The following GPM6A variants were observed in gnomAD, a reference collection of about 807,000 sequenced individuals.
The protein encoded by GPM6A is neuronal membrane glycoprotein M6-a.
Under a neutral mutation model 32.1 loss-of-function variants are expected in GPM6A, and 7 were observed. The observed-to-expected ratio is 0.22, with a 90% CI of 0.12 to 0.41. The LOEUF is 0.41. Ranked by LOEUF, GPM6A falls within the 10% of genes least tolerant of loss-of-function variation. GPM6A has a pLI of 1.00. For synonymous variants in GPM6A, 130 were observed against 123.4 expected (o/e 1.05, Z -0.35); for missense variants, 235 against 347.2 (o/e 0.68, Z 2.57).
At chr4:175,874,674 G>C (rs1737024751) in intron 1 of GPM6A, among the ~76,000 whole-genome samples, 2 of 152,122 alleles carry the variant, frequency 1.3e-5, no homozygotes, top group Non-Finnish European at 2.9e-5. Context: ...GAAAAGAGAG[G>C]CTGTAATAAT....
At chr4:175,997,074 G>A (rs1741331100) in intron 1 of GPM6A, among the ~76,000 whole-genome samples, 1 of 152,000 alleles carries the variant, frequency 6.6e-6, no homozygotes, top group South Asian at 2.1e-4. Flanking sequence ...GGCATCAACT[G>A]CCAGCTATAT....
At chr4:176,002,189 G>C (rs984612146) in intron 1 of GPM6A, 3 of 1,125,868 alleles carry the variant, frequency 2.7e-6, no homozygotes, top group Non-Finnish European at 2.6e-6. Context: ...GCCAGGCGCG[G>C]GGGGAACAGA....
chr4:175,785,904 T>C (rs1048919185), intron 1 of GPM6A, among the ~76,000 whole-genome samples: 1 of 152,148 alleles, frequency 6.6e-6, no homozygotes, highest in Non-Finnish European at 1.5e-5. Context: ...GGTTCTTTCC[T>C]TGTGTAGTTT....
Position 175,754,562 on chromosome 4 carries a change from A to G in GPM6A, c.38-52795T>C, listed in dbSNP as rs1367373908. Among the ~76,000 whole-genome samples the G allele has an allele frequency of 2.0e-5, 3 of 152,278 alleles. No individual in the cohort carries two copies. In the East Asian group the frequency reaches 5.8e-4, roughly 29 times the overall value. ...CCTAAGTAGGAATAGTAATCCCAAA[A>G]TGCTCAATGTTAAACTTTAGGACTA... On this transcript the variant is annotated intron_variant, in intron 1 of 6. Coordinates refer to ENST00000393658, the MANE Select transcript of GPM6A (RefSeq NM_201591.3).
intron 1 of GPM6A, among the ~76,000 whole-genome samples, chr4:175,912,106 C>T (rs1738339985): frequency 6.6e-6 from 1 of 152,076 alleles, no homozygotes; most frequent in South Asian, 2.1e-4. Flanking sequence ...GGAAATGCTC[C>T]CAGCCAGGAG....
intron 1 of GPM6A, among the ~76,000 whole-genome samples, chr4:175,997,914 C>T (rs7677621): frequency 0.37 from 56,388 of 151,870 alleles, 10,834 homozygotes; most frequent in African/African-American, 0.45. Context: ...ACGTATCATG[C>T]AGTTGGCATC....
chr4:175,894,835 T>G (rs961106838), intron 1 of GPM6A, among the ~76,000 whole-genome samples: 1 of 152,138 alleles, frequency 6.6e-6, no homozygotes, highest in African/African-American at 2.4e-5. Flanking sequence ...TTTTCTTATA[T>G]AAGGGTCTTC....
chr4:175,926,096 C>T (rs1018693968), intron 1 of GPM6A, among the ~76,000 whole-genome samples: 3 of 152,086 alleles, frequency 2.0e-5, no homozygotes, highest in African/African-American at 7.2e-5. Context: ...AAATGATCTG[C>T]CCGCCTTGGC....
At chr4:175,745,181 G>A (rs1373593030) in intron 1 of GPM6A, among the ~76,000 whole-genome samples, 3 of 152,060 alleles carry the variant, frequency 2.0e-5, no homozygotes, top group East Asian at 1.9e-4. Flanking sequence ...AAATATTCAT[G>A]CGCTAAATGT....
At chr4:175,681,934 T>C (rs565943055) in intron 2 of GPM6A, among the ~76,000 whole-genome samples, 15 of 152,044 alleles carry the variant, frequency 9.9e-5, no homozygotes, top group Admixed American at 5.2e-4. Flanking sequence ...CAGGTTTGGA[T>C]TGGGTAGCAG....
intron 1 of GPM6A, among the ~76,000 whole-genome samples, chr4:175,871,247 T>C (rs1736897776): frequency 6.6e-6 from 1 of 152,068 alleles, no homozygotes; most frequent in South Asian, 2.1e-4. Context: ...GGCAGACGCA[T>C]CACCTGAGGT....
At chr4:175,677,845 A>T (rs1225677824) in intron 2 of GPM6A, among the ~76,000 whole-genome samples, 1 of 152,180 alleles carries the variant, frequency 6.6e-6, no homozygotes, top group Non-Finnish European at 1.5e-5. Context: ...ATCCAAATGT[A>T]CCAGTCATGA....
intron 1 of GPM6A, among the ~76,000 whole-genome samples, chr4:175,925,806 G>T (rs1207340659): frequency 3.3e-5 from 5 of 150,242 alleles, no homozygotes; most frequent in African/African-American, 1.2e-4. Flanking sequence ...AAATGTGTAT[G>T]TGTATGTATT....
At chr4:175,813,483 T>C (rs1735006514), upstream of GPM6A, among the ~76,000 whole-genome samples, 1 of 152,062 alleles carries the variant, frequency 6.6e-6, no homozygotes, top group Non-Finnish European at 1.5e-5. Flanking sequence ...TCCTTGCCTC[T>C]GTCTTCATCT....
At chr4:175,667,668 A>G (rs1409997629) in intron 3 of GPM6A, among the ~76,000 whole-genome samples, 1 of 152,146 alleles carries the variant, frequency 6.6e-6, no homozygotes, top group Non-Finnish European at 1.5e-5. Context: ...ATGGAACTGT[A>G]CCGTCTTTAC....
At chr4:175,815,271 TC>T (rs1280075232), upstream of GPM6A, among the ~76,000 whole-genome samples, 1 of 152,148 alleles carries the variant, frequency 6.6e-6, no homozygotes, top group Non-Finnish European at 1.5e-5. Context: ...CACCTCGGCC[TC>T]CCAGAGTGCT....
chr4:175,953,467 A>G (rs1312673681), intron 1 of GPM6A, among the ~76,000 whole-genome samples: 2 of 152,232 alleles, frequency 1.3e-5, no homozygotes, highest in African/African-American at 4.8e-5. Context: ...AATTGCCTGT[A>G]AAGCAGTGTA....
chr4:175,713,444 G>T (rs936154672), intron 1 of GPM6A, among the ~76,000 whole-genome samples: 1 of 152,104 alleles, frequency 6.6e-6, no homozygotes, highest in African/African-American at 2.4e-5. Flanking sequence ...GCCTGTCTCA[G>T]CCTCCCAAAG....
intron 1 of GPM6A, among the ~76,000 whole-genome samples, chr4:175,800,345 G>T (rs117810497): frequency 1.2e-4 from 18 of 152,280 alleles, no homozygotes; most frequent in East Asian, 7.7e-4. Context: ...TGCTAACCCT[G>T]TGTATATAAG....
Sources: allele counts gnomAD v4.1 joint callset (sites outside exome capture counted in the v4.1 genomes callset), GRCh38; gene constraint gnomAD v4.1.1; transcripts MANE v1.5; gene names NCBI Gene and HGNC (gene_info 2026-07-23, HGNC 2026-07-21).